The following FPR3 variants were observed in gnomAD, a reference collection of about 807,000 sequenced individuals.
The protein encoded by FPR3 is formyl peptide receptor 3.
For missense variants in FPR3, 346 were observed against 443.2 expected (o/e 0.78, Z 1.97); for synonymous variants, 135 against 163.6 (o/e 0.83, Z 1.34).
intron 1 of FPR3, among the ~76,000 whole-genome samples, chr19:51,810,556 G>A (rs1348958651): frequency 6.6e-6 from 1 of 152,178 alleles, no homozygotes; most frequent in Non-Finnish European, 1.5e-5. Context: ...CTGAATAAGG[G>A]CCATTACCTA....
At chr19:51,813,068 G>A (rs570407148) in intron 1 of FPR3, among the ~76,000 whole-genome samples, 5 of 151,640 alleles carry the variant, frequency 3.3e-5, no homozygotes, top group South Asian at 2.1e-4. Context: ...GCAATGGGCC[G>A]AGATCACGCC....
chr19:51,800,317 C>A (rs570626624), intron 1 of FPR3, among the ~76,000 whole-genome samples: 1 of 152,106 alleles, frequency 6.6e-6, no homozygotes, highest in African/African-American at 2.4e-5. Flanking sequence ...GCTCATTGTT[C>A]GGTTTTGAAG....
At chr19:51,822,084 T>G (rs1319002861) in intron 1 of FPR3, among the ~76,000 whole-genome samples, 1 of 152,176 alleles carries the variant, frequency 6.6e-6, no homozygotes, top group Non-Finnish European at 1.5e-5. Context: ...TTTGGTCAAG[T>G]GGCAAAGACA....
chr19:51,804,272 CTTTAAA>C (rs756595076), intron 1 of FPR3, among the ~76,000 whole-genome samples: 42 of 152,096 alleles, frequency 2.8e-4, no homozygotes, highest in Non-Finnish European at 4.9e-4. Context: ...AAAAGAGGAA[CTTTAAA>C]TTTAAGTACT....
At chr19:51,805,570 G>A (rs1049264542) in intron 1 of FPR3, among the ~76,000 whole-genome samples, 10 of 152,270 alleles carry the variant, frequency 6.6e-5, no homozygotes, top group African/African-American at 2.2e-4. Context: ...AAATGACAGC[G>A]CAATTGCCGC....
At chr19:51,813,156 ACACACC>A (rs1255705708) in intron 1 of FPR3, among the ~76,000 whole-genome samples, 4 of 148,384 alleles carry the variant, frequency 2.7e-5, no homozygotes, top group South Asian at 2.1e-4. Flanking sequence ...ACACACACAC[ACACACC>A]CCATAAATTT....
At chr19:51,800,589 C>G (rs1220210549) in intron 1 of FPR3, among the ~76,000 whole-genome samples, 2 of 152,084 alleles carry the variant, frequency 1.3e-5, no homozygotes, top group African/African-American at 4.8e-5. Context: ...GGCCTTTGCC[C>G]GGCAGAGTGT....
At chr19:51,807,302 A>C (rs1169368523) in intron 1 of FPR3, among the ~76,000 whole-genome samples, 1 of 152,184 alleles carries the variant, frequency 6.6e-6, no homozygotes, top group Non-Finnish European at 1.5e-5. Context: ...AGATTTCTCA[A>C]TAGATAACTC....
At chr19:51,819,218 T>C (rs2084169588) in intron 1 of FPR3, among the ~76,000 whole-genome samples, 1 of 152,136 alleles carries the variant, frequency 6.6e-6, no homozygotes, top group Non-Finnish European at 1.5e-5. Context: ...GTTTGGGCAA[T>C]GTTGGGTTTG....
chr19:51,824,364 T>G lies in FPR3; in HGVS notation c.616T>G (p.Phe206Val). The G allele has an allele frequency of 6.2e-7, 1 of 1,614,168 alleles. No individual in the cohort carries two copies. Among genetic ancestry groups the G allele is most frequent in the Non-Finnish European group, 8.5e-7 (1 of 1,180,012 alleles). The change falls in exon 2 of 2, where the codon TTC becomes GTC. Residue 206 changes from phenylalanine (F) to valine (V), a missense_variant. Physicochemically the swap from Phe to Val is conservative, Grantham distance 50 (BLOSUM62 -1). Transcript: ENST00000339223. This position sits in a 1 kb window ranked among gnomAD's most constrained non-coding sequence, Gnocchi z 4.7. Reference protein sequence around the residue: ...TMAKVFLILHFIIGFSVPMSI... With the variant: ...TMAKVFLILHVIIGFSVPMSI... ...GGCCAAGGTCTTTCTGATCCTCCACTTCATTATTGGCTTCAGCGTGCCTAT... is the reference window on the plus strand; with the variant it reads ...GGCCAAGGTCTTTCTGATCCTCCACGTCATTATTGGCTTCAGCGTGCCTAT...
chr19:51,806,198 G>C (rs11881389), intron 1 of FPR3, among the ~76,000 whole-genome samples: 1,908 of 151,982 alleles, frequency 0.013, 59 homozygotes, highest in African/African-American at 0.044. Context: ...CTCATGGCTC[G>C]TACCGGAGGG....
chr19:51,808,064 A>G (rs1375824726), intron 1 of FPR3, among the ~76,000 whole-genome samples: 1 of 152,240 alleles, frequency 6.6e-6, no homozygotes, highest in East Asian at 1.9e-4. Context: ...GCCATGAGGC[A>G]TGTCTCTGCT....
At position 51,824,410 on chromosome 19, in the gene FPR3, A is replaced by G. The variant is rs2084215415; in HGVS notation, c.662A>G (p.Tyr221Cys). The change falls in exon 2 of 2, where the codon TAT (tyrosine) becomes TGT (cysteine). Residue 221 changes from tyrosine (Y) to cysteine (C), a missense_variant. By Grantham distance (194) the Tyr-to-Cys change is radical. Coordinates refer to ENST00000339223, the MANE Select transcript of FPR3 (RefSeq NM_002030.5). This position sits in a 1 kb window ranked among gnomAD's most constrained non-coding sequence, Gnocchi z 4.7. Reference sequence around the variant, plus strand: ...CCTATGTCCATCATCACAGTCTGCTATGGGATCATCGCTGCCAAAATTCAC... The same window carrying G: ...CCTATGTCCATCATCACAGTCTGCTGTGGGATCATCGCTGCCAAAATTCAC... ...SVPMSIITVCYGIIAAKIHRN... is the reference protein window; with the variant it reads ...SVPMSIITVCCGIIAAKIHRN... 7 of 1,613,940 alleles carry G rather than the reference A, an allele frequency of 4.3e-6. No individual in the cohort carries two copies. Among genetic ancestry groups the G allele is most frequent in the Non-Finnish European group, 5.9e-6 (7 of 1,180,006 alleles).
intron 1 of FPR3, among the ~76,000 whole-genome samples, chr19:51,806,151 C>A (rs749705298): frequency 2.0e-5 from 3 of 152,148 alleles, no homozygotes. Context: ...TGACTCCAGT[C>A]GGCCTTCTCT....
At chr19:51,796,319 G>C (rs2083998760) in intron 1 of FPR3, among the ~76,000 whole-genome samples, 1 of 152,200 alleles carries the variant, frequency 6.6e-6, no homozygotes, top group Non-Finnish European at 1.5e-5. Context: ...TGAGAGTGCA[G>C]AGATGAGGTC....
intron 1 of FPR3, among the ~76,000 whole-genome samples, chr19:51,807,303 T>C (rs1024853933): frequency 2.0e-5 from 3 of 152,166 alleles, no homozygotes; most frequent in African/African-American, 4.8e-5. Flanking sequence ...GATTTCTCAA[T>C]AGATAACTCT....
At chr19:51,795,501 ATTCTTTTTTTTTTT>A (rs1275438925) in intron 1 of FPR3, among the ~76,000 whole-genome samples, 170 bp downstream of exon 1, 2 of 77,076 alleles carry the variant, frequency 2.6e-5, no homozygotes, top group African/African-American at 6.0e-5. Flanking sequence ...TTCCAGTAAC[ATTCTTTTTTTTTTT>A]TTTTTTTTTT....
Position 51,824,136 on chromosome 19 carries a change from C to A in FPR3, c.388C>A (p.Pro130Thr). 1 of 1,613,918 alleles carries A rather than the reference C, an allele frequency of 6.2e-7. No homozygotes were observed. Among genetic ancestry groups the A allele is most frequent in the Non-Finnish European group, 8.5e-7 (1 of 1,179,878 alleles). Residue 130 changes from proline (P) to threonine (T), a missense_variant, in exon 2 of 2, where the codon CCA becomes ACA. Physicochemically the swap from Pro to Thr is conservative, Grantham distance 38. Transcript: ENST00000339223. The surrounding 1 kb of genome is among the most constrained non-coding windows in gnomAD (Gnocchi z 4.7). ...ALDRCICVLH[P>T]AWAQNHRTMS... ...GGACCGCTGTATTTGTGTCCTGCAT[C>A]CAGCCTGGGCCCAGAACCATCGCAC...
intron 1 of FPR3, among the ~76,000 whole-genome samples, chr19:51,796,216 G>A (rs1431121747): frequency 2.0e-5 from 3 of 152,170 alleles, no homozygotes; most frequent in Non-Finnish European, 2.9e-5. Context: ...AGCACGGTAG[G>A]CAGAAGGAAT....
Sources: allele counts gnomAD v4.1 joint callset (sites outside exome capture counted in the v4.1 genomes callset), GRCh38; gene constraint gnomAD v4.1.1; non-coding constraint Gnocchi (gnomAD v3.1); transcripts MANE v1.5; gene names NCBI Gene and HGNC (gene_info 2026-07-23, HGNC 2026-07-21).